Variants in CSMD1 observed in about 807,000 individuals in gnomAD.
CSMD1 encodes CUB and Sushi multiple domains 1, also known as CUB and sushi domain-containing protein 1.
A neutral mutation model predicts 417.5 loss-of-function variants in CSMD1; 213 were observed. The observed-to-expected ratio is 0.51, with a 90% CI of 0.46 to 0.57. The LOEUF (loss-of-function observed/expected upper bound fraction) is 0.57, where lower values mean the gene tolerates loss of function less well. Ranked by LOEUF, CSMD1 falls within the 20% of genes least tolerant of loss-of-function variation. The probability of loss-of-function intolerance (pLI) is 0.00; values close to 1 mark genes in which losing one functional copy is unlikely to be tolerated. For missense variants in CSMD1, 6,923 were observed against 4,529.7 expected, an observed-to-expected ratio of 1.53 and a Z score of -15.17; for synonymous variants, 2,862 against 1,736.8, an observed-to-expected ratio of 1.65 and a Z score of -16.11.
chr8:4,741,036 GC>G (rs1810567880), intron 1 of CSMD1, among the ~76,000 whole-genome samples: 2 of 152,090 alleles, frequency 1.3e-5, no homozygotes, highest in African/African-American at 2.4e-5. Context: ...CCTAGTAATT[GC>G]TTTAATCAAT....
intron 5 of CSMD1, among the ~76,000 whole-genome samples, chr8:3,823,874 G>T (rs1240049437): frequency 6.6e-6 from 1 of 152,016 alleles, no homozygotes; most frequent in Non-Finnish European, 1.5e-5. Flanking sequence ...ATACTTTTCT[G>T]ATCCTCAGTT....
At position 3,923,876 on chromosome 8, in the gene CSMD1, T is replaced by G. The variant is rs931390704; in HGVS notation, c.818+74027A>C. Among the ~76,000 whole-genome samples, 4 of 152,346 alleles carry G rather than the reference T, an allele frequency of 2.6e-5. No homozygotes were observed. The South Asian group carries it at 8.3e-4, about 32-fold the overall frequency. ...GAAATCATGCAGTATTTGTCTTTCT[T>G]TGCTTGTAGCTATTTTTAAAATATA... On this transcript the variant is annotated intron_variant, in intron 5 of 69. Coordinates refer to ENST00000635120, the MANE Select transcript of CSMD1 (RefSeq NM_033225.6).
chr8:3,607,955 A>T (rs1247552773), intron 8 of CSMD1, among the ~76,000 whole-genome samples: 1 of 152,140 alleles, frequency 6.6e-6, no homozygotes, highest in African/African-American at 2.4e-5. Context: ...GGATCACTTG[A>T]GGTCAGGAGT....
chr8:3,418,846 T>G (rs1057048183), intron 12 of CSMD1, among the ~76,000 whole-genome samples: 1 of 152,234 alleles, frequency 6.6e-6, no homozygotes, highest in Admixed American at 6.5e-5. Context: ...TTTTCCTTTT[T>G]AATATTATAG....
intron 10 of CSMD1, among the ~76,000 whole-genome samples, chr8:3,551,004 C>T (rs1361304460): frequency 6.6e-6 from 1 of 152,164 alleles, no homozygotes; most frequent in Non-Finnish European, 1.5e-5. Flanking sequence ...TCAAAACTCT[C>T]CAGCAATGCA....
At chr8:3,069,370 G>A (rs998296046) in intron 49 of CSMD1, among the ~76,000 whole-genome samples, 10 of 151,994 alleles carry the variant, frequency 6.6e-5, no homozygotes, top group African/African-American at 2.2e-4. Context: ...GGAAGGTGGA[G>A]GTTGCAGTGA....
At chr8:3,379,596 T>C (rs1810509103) in intron 18 of CSMD1, among the ~76,000 whole-genome samples, 1 of 152,088 alleles carries the variant, frequency 6.6e-6, no homozygotes, top group Admixed American at 6.5e-5. Context: ...TAACACCACA[T>C]ATCTACAACC....
chr8:3,815,779 C>G (rs984414390), intron 5 of CSMD1, among the ~76,000 whole-genome samples: 1 of 151,992 alleles, frequency 6.6e-6, no homozygotes, highest in African/African-American at 2.4e-5. Context: ...TTCATTTGAT[C>G]TATAGTAGTG....
Position 4,646,977 on chromosome 8 carries a change from G to A in CSMD1, c.86-9419C>T, listed in dbSNP as rs567916446. Among the ~76,000 whole-genome samples, 32 of 152,224 alleles carry A rather than the reference G, an allele frequency of 2.1e-4. No homozygotes were observed. The South Asian group carries it at 6.2e-3, about 30-fold the overall frequency. On this transcript the variant is annotated intron_variant, in intron 1 of 69. Transcript: ENST00000635120. ...TGTCCAACACATTTTCTCTCTCCCGGGATGTGGACCTAGTCATAGACTAAC... is the reference window on the plus strand; with the variant it reads ...TGTCCAACACATTTTCTCTCTCCCGAGATGTGGACCTAGTCATAGACTAAC...
At chr8:4,354,396 C>T (rs1801277337) in intron 3 of CSMD1, among the ~76,000 whole-genome samples, 2 of 152,170 alleles carry the variant, frequency 1.3e-5, no homozygotes, top group South Asian at 4.1e-4. Context: ...TATTAAAATA[C>T]ACCGTTCCCC....
chr8:4,774,011 C>A (rs1377667787), intron 1 of CSMD1, among the ~76,000 whole-genome samples: 1 of 152,076 alleles, frequency 6.6e-6, no homozygotes, highest in East Asian at 1.9e-4. Context: ...GCCTGGCCAA[C>A]ATGGTGAAAC....
At chr8:3,424,758 T>C (rs1275645593) in intron 12 of CSMD1, among the ~76,000 whole-genome samples, 1 of 152,252 alleles carries the variant, frequency 6.6e-6, no homozygotes, top group Non-Finnish European at 1.5e-5. Flanking sequence ...ACCACAGTGT[T>C]TGTGTTCAAG....
intron 3 of CSMD1, among the ~76,000 whole-genome samples, chr8:4,073,813 T>C (rs1429519095): frequency 3.9e-5 from 6 of 152,080 alleles, no homozygotes; most frequent in African/African-American, 4.8e-5. Flanking sequence ...TCATTATTAA[T>C]TGGTTGAAAA....
intron 4 of CSMD1, among the ~76,000 whole-genome samples, chr8:4,011,328 T>C (rs971507500): frequency 3.9e-5 from 6 of 152,198 alleles, no homozygotes; most frequent in South Asian, 2.1e-4. Context: ...CGTGCTCCAA[T>C]TGCCCCCATT....
At chr8:3,615,980 A>T (rs549418973) in intron 8 of CSMD1, among the ~76,000 whole-genome samples, 1 of 152,328 alleles carries the variant, frequency 6.6e-6, no homozygotes, top group South Asian at 2.1e-4. Context: ...ATCAGTATCT[A>T]GTTCACCATA....
At chr8:3,274,359 A>G (rs1291673891) in intron 26 of CSMD1, among the ~76,000 whole-genome samples, 4 of 152,096 alleles carry the variant, frequency 2.6e-5, no homozygotes, top group South Asian at 2.1e-4. Context: ...TATGTGGTCA[A>G]TTTTGGAGTA....
At chr8:3,358,583 T>C (rs1808951216) in intron 21 of CSMD1, among the ~76,000 whole-genome samples, 1 of 152,252 alleles carries the variant, frequency 6.6e-6, no homozygotes, top group Non-Finnish European at 1.5e-5. Flanking sequence ...AGTACCGAAA[T>C]AAAAATTCCT....
chr8:4,834,140 C>G (rs1171396003), intron 1 of CSMD1, among the ~76,000 whole-genome samples: 1 of 152,086 alleles, frequency 6.6e-6, no homozygotes, highest in African/African-American at 2.4e-5. Flanking sequence ...TTTTTAAACA[C>G]CTAATTCATA....
chr8:4,695,506 A>G (rs1807070265), intron 1 of CSMD1, among the ~76,000 whole-genome samples: 1 of 152,154 alleles, frequency 6.6e-6, no homozygotes, highest in African/African-American at 2.4e-5. Flanking sequence ...CCCTAAAATA[A>G]GTTAAACGAT....
Sources: allele counts gnomAD v4.1 joint callset (sites outside exome capture counted in the v4.1 genomes callset), GRCh38; gene constraint gnomAD v4.1.1; transcripts MANE v1.5; gene names NCBI Gene and HGNC (gene_info 2026-07-23, HGNC 2026-07-21).